ATG13: variants seen among roughly 807,000 people sequenced by gnomAD.
The protein encoded by ATG13 is autophagy-related protein 13.
A neutral mutation model predicts 65.5 loss-of-function variants in ATG13; 23 were observed. That is an observed-to-expected ratio of 0.35 (90% CI 0.25 to 0.50). The LOEUF is 0.50. ATG13 is among the 20% of genes least tolerant of loss of function. ATG13 has a pLI of 0.98. For synonymous variants in ATG13, 252 were observed against 245.2 expected, an observed-to-expected ratio of 1.03 and a Z score of -0.26; for missense variants, 566 against 677.0, an observed-to-expected ratio of 0.84 and a Z score of 1.82.
chr11:46,644,169 C>T (rs1217356996), intron 2 of ATG13, 110 bp from the exon 3 acceptor site: 7 of 775,948 alleles, frequency 9.0e-6, no homozygotes, highest in Non-Finnish European at 1.3e-5. Context: ...TTTCCTCCCA[C>T]TCCCACATGA....
Position 46,657,536 on chromosome 11 carries a change from G to A in ATG13, c.609G>A (p.Arg203=). 1.2e-6 allele frequency: 2 copies of A among 1,613,704 alleles called. No individual in the cohort carries two copies. The highest frequency in any genetic ancestry group is 1.7e-6 in the Non-Finnish European group (2 of 1,179,624). Residue 203 remains arginine, a synonymous_variant, in exon 10 of 19, where the codon AGG becomes AGA. Coordinates refer to ENST00000683050, the MANE Select transcript of ATG13 (RefSeq NM_001346311.2). ...TATTGTATTACAGGCAATTTGAGAG[G>A]ACCCCACCTATCATGGGGATTATTA... The part of the protein sequence containing the change: ...LAFMSTRQFE[R]TPPIMGIIID...
chr11:46,660,336 C>T (rs567903427), intron 11 of ATG13, among the ~76,000 whole-genome samples: 107 of 151,610 alleles, frequency 7.1e-4, no homozygotes, highest in Non-Finnish European at 1.2e-3. Context: ...ATTTGGAGGA[C>T]CAGACAAATT....
intron 11 of ATG13, 100 bp downstream of exon 11, chr11:46,659,585 G>T: frequency 1.1e-6 from 1 of 941,872 alleles, no homozygotes; most frequent in Non-Finnish European, 1.7e-6. Flanking sequence ...TTTAATAGTG[G>T]TGGTGATTGT....
At chr11:46,630,697 A>G (rs567456901) in intron 2 of ATG13, among the ~76,000 whole-genome samples, 110 of 149,018 alleles carry the variant, frequency 7.4e-4, no homozygotes, top group African/African-American at 2.6e-3. Flanking sequence ...TCAGCCTCCC[A>G]GTAGCTGGCT....
chr11:46,669,608 A>C, intron 18 of ATG13, 76 bp downstream of exon 18: 1 of 1,499,298 alleles, frequency 6.7e-7, no homozygotes, highest in Non-Finnish European at 9.2e-7. Flanking sequence ...TAGGAGGCCT[A>C]CCACCTTCTA....
At chr11:46,647,505 T>G (rs2057937917) in intron 5 of ATG13, among the ~76,000 whole-genome samples, 1 of 152,054 alleles carries the variant, frequency 6.6e-6, no homozygotes, top group African/African-American at 2.4e-5. Flanking sequence ...CTCGAACTCC[T>G]GACTTCAGGT....
At chr11:46,651,247 GA>G (rs1565535396) in intron 7 of ATG13, among the ~76,000 whole-genome samples, 1 of 152,062 alleles carries the variant, frequency 6.6e-6, no homozygotes, top group South Asian at 2.1e-4. Flanking sequence ...CCAGAATCAG[GA>G]AAAAAAGGTA....
chr11:46,633,003 A>AAAATAT (rs1261200980), intron 2 of ATG13, among the ~76,000 whole-genome samples: 32 of 89,132 alleles, frequency 3.6e-4, no homozygotes, highest in African/African-American at 1.2e-3. Context: ...ATTAAAAAAA[A>AAAATAT]ATATATATAT....
chr11:46,657,120 AGTGGGCACCCCT>A lies in ATG13; in HGVS notation c.535_546del (p.Pro179_Thr182del). On this transcript the variant is annotated inframe_deletion, in exon 9 of 19. Transcript: ENST00000683050. ...GCTTCCAGACAGTTCGTGTTGGGAC[AGTGGGCACCCCT>A]GTGGGCACCATCACTCTTTCTTGTG... 1.9e-6 allele frequency: 3 copies of A among 1,614,208 alleles called. No homozygotes were observed. The highest frequency in any genetic ancestry group is 1.7e-6 in the Non-Finnish European group (2 of 1,180,014).
chr11:46,642,028 C>A (rs1490988998), intron 2 of ATG13, among the ~76,000 whole-genome samples: 2 of 152,036 alleles, frequency 1.3e-5, no homozygotes, highest in Non-Finnish European at 2.9e-5. Context: ...GCAAGTGATC[C>A]AACTGCCTCA....
chr11:46,636,417 G>A (rs547058452), intron 2 of ATG13, among the ~76,000 whole-genome samples: 1 of 152,058 alleles, frequency 6.6e-6, no homozygotes, highest in South Asian at 2.1e-4. Context: ...AATTACCTGG[G>A]CATGGTGGCA....
At chr11:46,637,721 A>G (rs536560618) in intron 2 of ATG13, among the ~76,000 whole-genome samples, 4 of 152,244 alleles carry the variant, frequency 2.6e-5, no homozygotes, top group African/African-American at 9.6e-5. Flanking sequence ...GTCAGCTGTT[A>G]TCATTTGCAT....
intron 13 of ATG13, 22 bp from the exon 14 acceptor site, chr11:46,665,359 GTC>G: frequency 6.2e-7 from 1 of 1,610,264 alleles, no homozygotes; most frequent in South Asian, 1.1e-5. Context: ...ATGATTCACT[GTC>G]TCTTTCCATT....
chr11:46,665,566 C>G, intron 14 of ATG13, 47 bp downstream of exon 14: 1 of 1,601,546 alleles, frequency 6.2e-7, no homozygotes, highest in Non-Finnish European at 8.5e-7. Context: ...GGCCAGGGGC[C>G]TGGGCTCCCT....
At chr11:46,657,304 A>G (rs377015050) in intron 9 of ATG13, 113 bp downstream of exon 9, 12 of 1,064,402 alleles carry the variant, frequency 1.1e-5, no homozygotes, top group East Asian at 1.0e-4. Flanking sequence ...CAGTACCTTC[A>G]GAAGAATAAA....
chr11:46,647,132 C>T (rs1025708742), intron 5 of ATG13, among the ~76,000 whole-genome samples: 3 of 152,174 alleles, frequency 2.0e-5, no homozygotes, highest in South Asian at 2.1e-4. Context: ...CTTCAAGACT[C>T]GCGTGCTCTA....
rs1592353328 is a variant in ATG13 at position 46,673,718 on chromosome 11, G to A, written c.*1386G>A. On this transcript the variant is annotated 3_prime_UTR_variant, in exon 19 of 19. Transcript: ENST00000683050. ...CCTTCAGGTATTGTTACTTGAATAA[G>A]TCAAGTGCCTAGCCTCACCCACCTA... 1 of 152,322 alleles carries A rather than the reference G, an allele frequency of 6.6e-6. No homozygotes were observed. Among genetic ancestry groups the A allele is most frequent in the South Asian group, 2.1e-4 (1 of 4,826 alleles). The allele number at this position is 152,322 out of a possible 1,614,324, so 9.4% of individuals were successfully genotyped here.
At position 46,672,819 on chromosome 11, in the gene ATG13, T is replaced by G; in HGVS notation, c.*487T>G. 7.8e-7 allele frequency: 1 copy of G among 1,286,276 alleles called. No individual in the cohort carries two copies. The highest frequency in any genetic ancestry group is 1.2e-5 in the South Asian group (1 of 80,310). 79.7% of individuals were successfully genotyped at this position (1,286,276 alleles called of 1,614,324 possible). ...AGGAAGAAGGAAGGAGTCCCTTAGC[T>G]CTCTTCATTGTCCCCTTTACTTCCT... On this transcript the variant is annotated 3_prime_UTR_variant, in exon 19 of 19. Coordinates refer to ENST00000683050, the MANE Select transcript of ATG13 (RefSeq NM_001346311.2).
chr11:46,618,019 C>T (rs1156867305), intron 1 of ATG13, 129 bp downstream of exon 1: 1 of 397,100 alleles, frequency 2.5e-6, no homozygotes, highest in Non-Finnish European at 4.4e-6. Context: ...TCCCCTGGGC[C>T]CCTGAGTTTT....
Sources: gnomAD v4.1 joint callset for allele counts (sites outside exome capture counted in the v4.1 genomes callset) on GRCh38, gnomAD v4.1.1 for gene constraint, MANE v1.5 for transcripts, NCBI Gene and HGNC (gene_info 2026-07-23, HGNC 2026-07-21) for gene names.